Variants in NME7 observed in about 807,000 individuals in gnomAD.
The protein encoded by NME7 is NME/NM23 family member 7, also known as nucleoside diphosphate kinase 7.
Under a neutral mutation model 49.1 loss-of-function variants are expected in NME7, and 41 were observed. The observed-to-expected ratio is 0.83, with a 90% CI of 0.65 to 1.08. NME7 has a LOEUF of 1.08. Ranked by LOEUF, NME7 falls within the 50% of genes least tolerant of loss-of-function variation. The pLI is 0.00. For missense variants in NME7, 423 were observed against 463.4 expected, an observed-to-expected ratio of 0.91 and a Z score of 0.80; for synonymous variants, 139 against 150.6, an observed-to-expected ratio of 0.92 and a Z score of 0.56.
chr1:169,355,446 T>C (rs1653437731), intron 1 of NME7, among the ~76,000 whole-genome samples: 1 of 146,718 alleles, frequency 6.8e-6, no homozygotes, highest in African/African-American at 2.5e-5. Context: ...AAAAGACTGA[T>C]TTCATGCCAC....
At chr1:169,352,442 AGCCAT>A in intron 1 of NME7, among the ~76,000 whole-genome samples, 1 of 152,132 alleles carries the variant, frequency 6.6e-6, no homozygotes, top group African/African-American at 2.4e-5. Flanking sequence ...ACATAATAAA[AGCCAT>A]ATATGACAGC....
At chr1:169,139,838 T>C (rs114899660) in intron 11 of NME7, among the ~76,000 whole-genome samples, 2,979 of 152,272 alleles carry the variant, frequency 0.02, 51 homozygotes, top group Middle Eastern at 0.044. Context: ...CTAAGAAAAC[T>C]TTGAAAACTA....
chr1:169,287,607 G>A (rs546303524), intron 6 of NME7, among the ~76,000 whole-genome samples, 199 bp from the exon 7 acceptor site: 2 of 152,168 alleles, frequency 1.3e-5, no homozygotes, highest in South Asian at 2.1e-4. Flanking sequence ...AACCAGAAGA[G>A]CATATAAAGA....
chr1:169,156,326 A>G (rs1659071235), intron 11 of NME7, among the ~76,000 whole-genome samples: 1 of 148,034 alleles, frequency 6.8e-6, no homozygotes, highest in Admixed American at 6.8e-5. Flanking sequence ...ATTAAAAAAA[A>G]AATTAAAAAG....
chr1:169,342,941 ATACTTGTAT>A lies in NME7; in HGVS notation c.4-18450_4-18442del, dbSNP rs1464123515. Among the ~76,000 whole-genome samples the A allele has an allele frequency of 3.4e-3, 333 of 97,930 alleles. 7 individuals carry two copies. Among genetic ancestry groups the A allele is most frequent in the East Asian group, 0.01 (27 of 2,650 alleles). The allele number at this position is 97,930 out of a possible 152,430, so 64.2% of individuals were successfully genotyped here. On this transcript the variant is annotated intron_variant, in intron 1 of 11. Transcript: ENST00000367811. The stretch of plus-strand genomic sequence containing the variant: ...TATATATATATACAAGTACATATAT[ATACTTGTAT>A]TAGTATATATATATATATATACAAG...
At chr1:169,322,646 T>C (rs1651896116) in intron 3 of NME7, among the ~76,000 whole-genome samples, 1 of 150,992 alleles carries the variant, frequency 6.6e-6, no homozygotes, top group Admixed American at 6.6e-5. Context: ...CATTTTTCAA[T>C]TGATCCGTTG....
intron 7 of NME7, among the ~76,000 whole-genome samples, chr1:169,243,924 G>A (rs1229524299): frequency 6.6e-6 from 1 of 152,096 alleles, no homozygotes; most frequent in Non-Finnish European, 1.5e-5. Context: ...GTAAGTGATA[G>A]AACTGAATTT....
At chr1:169,135,267 C>A (rs1227997088) in intron 11 of NME7, among the ~76,000 whole-genome samples, 2 of 152,086 alleles carry the variant, frequency 1.3e-5, no homozygotes, top group African/African-American at 4.8e-5. Context: ...CCAGCTGCAC[C>A]TAATACCAGA....
At chr1:169,179,518 T>C (rs893967287) in intron 10 of NME7, among the ~76,000 whole-genome samples, 4 of 152,192 alleles carry the variant, frequency 2.6e-5, no homozygotes, top group South Asian at 2.1e-4. Flanking sequence ...TGTATGTTCA[T>C]TGCAACACTA....
chr1:169,318,094 G>A (rs1558036737), intron 3 of NME7, among the ~76,000 whole-genome samples: 1 of 152,150 alleles, frequency 6.6e-6, no homozygotes, highest in Non-Finnish European at 1.5e-5. Context: ...CATGGGCTGG[G>A]AGGCAGGATG....
chr1:169,344,860 G>A lies in NME7; in HGVS notation c.4-20360C>T, dbSNP rs1025807725. Among the ~76,000 whole-genome samples the A allele has an allele frequency of 4.6e-5, 7 of 152,034 alleles. No individual in the cohort carries two copies. The South Asian group carries it at 6.2e-4, about 14-fold the overall frequency. Reference sequence around the variant, plus strand: ...CTTGGTATAGGACAATACTGGCTTCGCTGAGTGAGTTGTACTTCCTCCTCT... The same window carrying A: ...CTTGGTATAGGACAATACTGGCTTCACTGAGTGAGTTGTACTTCCTCCTCT... On this transcript the variant is annotated intron_variant, in intron 1 of 11. Transcript: ENST00000367811.
chr1:169,198,260 T>G (rs1159967395), intron 10 of NME7, among the ~76,000 whole-genome samples: 1 of 152,078 alleles, frequency 6.6e-6, no homozygotes, highest in Non-Finnish European at 1.5e-5. Context: ...AGTGGTAATG[T>G]AAAATGGTAA....
At chr1:169,241,479 T>C (rs1362909301) in intron 7 of NME7, among the ~76,000 whole-genome samples, 1 of 152,054 alleles carries the variant, frequency 6.6e-6, no homozygotes, top group Non-Finnish European at 1.5e-5. Flanking sequence ...ATATTAACCC[T>C]AATCTAAATA....
At chr1:169,229,347 G>T (rs1370826819) in intron 10 of NME7, among the ~76,000 whole-genome samples, 4 of 152,102 alleles carry the variant, frequency 2.6e-5, no homozygotes, top group Non-Finnish European at 5.9e-5. Context: ...ACATGCTTTA[G>T]ATCTTTTCTC....
intron 10 of NME7, among the ~76,000 whole-genome samples, chr1:169,186,653 T>C (rs1424403595): frequency 6.6e-6 from 1 of 152,140 alleles, no homozygotes; most frequent in African/African-American, 2.4e-5. Flanking sequence ...GAATCTTCTT[T>C]TTTTCTTTAT....
intron 7 of NME7, among the ~76,000 whole-genome samples, chr1:169,243,013 C>T (rs1476884222): frequency 6.6e-6 from 1 of 151,926 alleles, no homozygotes; most frequent in Non-Finnish European, 1.5e-5. Context: ...TATCAAAATA[C>T]CAGCAAGTTT....
At chr1:169,329,507 T>C (rs1172957908) in intron 1 of NME7, among the ~76,000 whole-genome samples, 2 of 149,320 alleles carry the variant, frequency 1.3e-5, no homozygotes, top group Non-Finnish European at 3.0e-5. Context: ...TTGAAATAAT[T>C]AAAAAGAATC....
chr1:169,175,355 A>G (rs1246424432), intron 10 of NME7, among the ~76,000 whole-genome samples: 2 of 152,124 alleles, frequency 1.3e-5, no homozygotes, highest in Non-Finnish European at 2.9e-5. Flanking sequence ...TTTACAGTTA[A>G]CTTTTTTTCT....
chr1:169,254,056 A>G (rs1648774967), intron 7 of NME7, among the ~76,000 whole-genome samples: 2 of 151,212 alleles, frequency 1.3e-5, no homozygotes, highest in African/African-American at 4.8e-5. Flanking sequence ...TGGCTTTGGT[A>G]TCAGAATGAT....
Sources: gnomAD v4.1 joint callset for allele counts (sites outside exome capture counted in the v4.1 genomes callset) on GRCh38, gnomAD v4.1.1 for gene constraint, MANE v1.5 for transcripts, NCBI Gene and HGNC (gene_info 2026-07-23, HGNC 2026-07-21) for gene names.